Variants in FSTL5 observed in about 807,000 individuals in gnomAD.
FSTL5 encodes the protein follistatin-related protein 5.
FSTL5 carries 62 observed loss-of-function variants against 89.1 expected under a neutral mutation model. The observed-to-expected ratio is 0.70, with a 90% CI of 0.57 to 0.86. The LOEUF (loss-of-function observed/expected upper bound fraction) is 0.86. FSTL5 is among the 40% of genes least tolerant of loss of function. The pLI, the probability that FSTL5 is intolerant of heterozygous loss-of-function variation, is 0.00. For synonymous variants in FSTL5, 383 were observed against 346.2 expected (o/e 1.11, Z -1.18); for missense variants, 1,057 against 1,001.6 (o/e 1.06, Z -0.75).
chr4:161,642,850 T>C (rs541094153), intron 7 of FSTL5, among the ~76,000 whole-genome samples: 29 of 152,218 alleles, frequency 1.9e-4, no homozygotes, highest in African/African-American at 7.0e-4. Flanking sequence ...TTTTACAAGA[T>C]GGAAAGAATT....
chr4:161,591,294 C>A (rs1208055623), intron 7 of FSTL5, among the ~76,000 whole-genome samples: 1 of 152,084 alleles, frequency 6.6e-6, no homozygotes, highest in Non-Finnish European at 1.5e-5. Flanking sequence ...TTTGTGGTAA[C>A]CAGGGACTGA....
At position 161,443,063 on chromosome 4, in the gene FSTL5, G is replaced by T. The variant is rs141182924; in HGVS notation, c.1841+11941C>A. Reference sequence around the variant, plus strand: ...TTAGCTTCAAAGCCAGGCTTCAAGTGCTGTGAAAATAGCTATTCAGCTCTA... The same window carrying T: ...TTAGCTTCAAAGCCAGGCTTCAAGTTCTGTGAAAATAGCTATTCAGCTCTA... On this transcript the variant is annotated intron_variant, in intron 15 of 15. Coordinates refer to ENST00000306100, the MANE Select transcript of FSTL5 (RefSeq NM_020116.5). Among the ~76,000 whole-genome samples the T allele has an allele frequency of 3.3e-5, 5 of 152,054 alleles. 1 individual carries two copies. Among genetic ancestry groups the T allele is most frequent in the Admixed American group, 2.6e-4 (4 of 15,238 alleles).
chr4:161,572,492 C>T (rs1002138116), intron 8 of FSTL5, among the ~76,000 whole-genome samples: 1 of 152,028 alleles, frequency 6.6e-6, no homozygotes, highest in African/African-American at 2.4e-5. Flanking sequence ...CAAACAGACA[C>T]AGAAGACTCA....
intron 15 of FSTL5, among the ~76,000 whole-genome samples, chr4:161,401,002 T>A (rs190685148): frequency 2.2e-3 from 341 of 152,286 alleles, no homozygotes; most frequent in Middle Eastern, 3.4e-3. Context: ...TTGTCTTGAC[T>A]CTCATTTTCA....
At chr4:161,997,305 A>G (rs1736323807) in intron 3 of FSTL5, among the ~76,000 whole-genome samples, 1 of 152,142 alleles carries the variant, frequency 6.6e-6, no homozygotes, top group Non-Finnish European at 1.5e-5. Context: ...ATATCTTAAG[A>G]TGTATAGCAA....
chr4:161,500,482 A>G (rs1168546093), intron 11 of FSTL5, among the ~76,000 whole-genome samples: 11 of 152,172 alleles, frequency 7.2e-5, no homozygotes. Flanking sequence ...GAGTAAAAGT[A>G]CTTTCTGAAG....
intron 10 of FSTL5, among the ~76,000 whole-genome samples, chr4:161,512,631 A>G (rs1730687388): frequency 6.6e-6 from 1 of 152,104 alleles, no homozygotes; most frequent in African/African-American, 2.4e-5. Context: ...GAGTAAGGAC[A>G]TTAGAACTAA....
chr4:161,678,693 G>A (rs923568271), intron 6 of FSTL5, among the ~76,000 whole-genome samples: 4 of 151,718 alleles, frequency 2.6e-5, no homozygotes, highest in Non-Finnish European at 5.9e-5. Flanking sequence ...AGCAATACAG[G>A]ATGAGATTTA....
At chr4:161,645,463 T>C (rs1258379907) in intron 7 of FSTL5, among the ~76,000 whole-genome samples, 1 of 152,134 alleles carries the variant, frequency 6.6e-6, no homozygotes, top group Non-Finnish European at 1.5e-5. Flanking sequence ...TAAAGACCTT[T>C]AAAAATACGT....
intron 8 of FSTL5, among the ~76,000 whole-genome samples, chr4:161,578,538 CA>C (rs1323778344): frequency 6.6e-6 from 1 of 151,822 alleles, no homozygotes; most frequent in African/African-American, 2.4e-5. Flanking sequence ...ATGGAGAAAA[CA>C]GAAATCTATT....
intron 8 of FSTL5, among the ~76,000 whole-genome samples, chr4:161,574,328 T>C (rs1004284650): frequency 1.3e-5 from 2 of 150,216 alleles, no homozygotes; most frequent in African/African-American, 2.5e-5. Context: ...ATGACTTTCC[T>C]TTTTCTTTTT....
intron 1 of FSTL5, among the ~76,000 whole-genome samples, chr4:162,155,186 A>G (rs1733419526): frequency 6.6e-6 from 1 of 152,186 alleles, no homozygotes; most frequent in Non-Finnish European, 1.5e-5. Flanking sequence ...AGGGATTTAA[A>G]GATGTAATTA....
At chr4:161,433,412 A>G (rs1039479283) in intron 15 of FSTL5, among the ~76,000 whole-genome samples, 9 of 152,104 alleles carry the variant, frequency 5.9e-5, no homozygotes, top group Non-Finnish European at 1.0e-4. Flanking sequence ...ACATACTTCA[A>G]CATAATAAAA....
chr4:161,806,272 T>C (rs1729962498), intron 4 of FSTL5, among the ~76,000 whole-genome samples: 1 of 151,976 alleles, frequency 6.6e-6, no homozygotes, highest in African/African-American at 2.4e-5. Flanking sequence ...AGACAGTGAG[T>C]TATGGTAGCA....
At chr4:161,591,456 A>T (rs1733819059) in intron 7 of FSTL5, among the ~76,000 whole-genome samples, 1 of 152,224 alleles carries the variant, frequency 6.6e-6, no homozygotes, top group Non-Finnish European at 1.5e-5. Flanking sequence ...GATTAATTTT[A>T]TGGTTTGTGG....
At chr4:161,501,839 A>G (rs1730304139) in intron 11 of FSTL5, among the ~76,000 whole-genome samples, 2 of 151,994 alleles carry the variant, frequency 1.3e-5, no homozygotes, top group Admixed American at 1.3e-4. Flanking sequence ...AACAAAGCAC[A>G]TAAGTATTTA....
intron 3 of FSTL5, among the ~76,000 whole-genome samples, chr4:161,958,307 T>A (rs1468032889): frequency 6.6e-6 from 1 of 152,142 alleles, no homozygotes; most frequent in African/African-American, 2.4e-5. Flanking sequence ...ATTGCTGTCA[T>A]GTCTATGTTC....
rs1734845816 is a variant in FSTL5, at chr4:161,949,969, T to C, written c.161-29317A>G. 1.3e-5 allele frequency among the ~76,000 whole-genome samples: 2 copies of C among 152,062 alleles called. 1 individual carries two copies. The highest frequency in any genetic ancestry group is 4.1e-4 in the South Asian group (2 of 4,828). On this transcript the variant is annotated intron_variant, in intron 3 of 15. Transcript: ENST00000306100. ...TTCTATTAATTGTTTTGTCTCTTGATGATTAGTTACAGTTTATGACTCATT... is the reference window on the plus strand; with the variant it reads ...TTCTATTAATTGTTTTGTCTCTTGACGATTAGTTACAGTTTATGACTCATT...
chr4:162,107,821 C>A (rs1492465), intron 2 of FSTL5, among the ~76,000 whole-genome samples: 118,838 of 151,862 alleles, frequency 0.78, 47,051 homozygotes, highest in Non-Finnish European at 0.84. Flanking sequence ...CTTTTACCTG[C>A]CTTTAAGGAC....
Sources: allele counts gnomAD v4.1 joint callset (sites outside exome capture counted in the v4.1 genomes callset), GRCh38; gene constraint gnomAD v4.1.1; transcripts MANE v1.5; gene names NCBI Gene and HGNC (gene_info 2026-07-23, HGNC 2026-07-21).